Variants in PRDM5 observed in about 807,000 individuals in gnomAD.
PRDM5 encodes PR domain zinc finger protein 5.
A neutral mutation model predicts 81.2 loss-of-function variants in PRDM5; 56 were observed. That is an observed-to-expected ratio of 0.69 (90% confidence interval 0.56 to 0.86). The LOEUF (loss-of-function observed/expected upper bound fraction) is 0.86. Ranked by LOEUF, PRDM5 falls within the 40% of genes least tolerant of loss-of-function variation. The pLI is 0.00. For missense variants in PRDM5, 697 were observed against 770.1 expected (o/e 0.91, Z 1.12); for synonymous variants, 267 against 256.4 (o/e 1.04, Z -0.39).
At chr4:120,833,361 C>T (rs1294481145) in intron 3 of PRDM5, among the ~76,000 whole-genome samples, 1 of 152,060 alleles carries the variant, frequency 6.6e-6, no homozygotes, top group South Asian at 2.1e-4. Flanking sequence ...GTTATCAGAC[C>T]AACTGCCACC....
intron 14 of PRDM5, among the ~76,000 whole-genome samples, chr4:120,728,288 T>C (rs1739740579): frequency 6.6e-6 from 1 of 152,098 alleles, no homozygotes; most frequent in Admixed American, 6.6e-5. Context: ...TAATAATCCA[T>C]CTGTCTGATA....
At chr4:120,907,934 C>T (rs71602303) in intron 1 of PRDM5, among the ~76,000 whole-genome samples, 241 of 152,326 alleles carry the variant, frequency 1.6e-3, no homozygotes, top group Non-Finnish European at 2.9e-3. Flanking sequence ...AGAAAATCAC[C>T]TGGTTTCCAT....
chr4:120,846,170 A>C (rs1383853050), intron 3 of PRDM5, among the ~76,000 whole-genome samples: 4 of 152,228 alleles, frequency 2.6e-5, no homozygotes, highest in Admixed American at 6.5e-5. Context: ...GACAGCAAAG[A>C]ATTTCAAATA....
At chr4:120,893,266 C>G (rs1764257240) in intron 2 of PRDM5, among the ~76,000 whole-genome samples, 1 of 152,190 alleles carries the variant, frequency 6.6e-6, no homozygotes, top group Non-Finnish European at 1.5e-5. Context: ...CCGAGAGGTT[C>G]TCCTGCACTG....
chr4:120,743,282 C>T (rs1420299686), intron 14 of PRDM5, among the ~76,000 whole-genome samples: 2 of 151,372 alleles, frequency 1.3e-5, no homozygotes, highest in African/African-American at 4.9e-5. Flanking sequence ...GAAGGAAGCA[C>T]TAAACAAGGA....
intron 2 of PRDM5, among the ~76,000 whole-genome samples, chr4:120,877,943 TA>T (rs141881617): frequency 0.1 from 15,793 of 152,180 alleles, 1,568 homozygotes; most frequent in African/African-American, 0.26. Flanking sequence ...AATAAAATAA[TA>T]AACAACTAGT....
chr4:120,781,504 T>C (rs915576421), intron 11 of PRDM5, among the ~76,000 whole-genome samples: 9 of 152,198 alleles, frequency 5.9e-5, no homozygotes, highest in African/African-American at 1.9e-4. Context: ...TCATCTTACA[T>C]CTTCAGTCTT....
intron 14 of PRDM5, among the ~76,000 whole-genome samples, chr4:120,727,761 C>A (rs969043872): frequency 1.3e-5 from 2 of 151,808 alleles, no homozygotes; most frequent in African/African-American, 2.4e-5. Flanking sequence ...CACGGTGAAA[C>A]CCCGACTGTA....
At chr4:120,749,130 G>A (rs1232549689) in intron 14 of PRDM5, among the ~76,000 whole-genome samples, 1 of 151,846 alleles carries the variant, frequency 6.6e-6, no homozygotes, top group East Asian at 1.9e-4. Flanking sequence ...AAAATTTACA[G>A]TCATTCTTTT....
intron 14 of PRDM5, among the ~76,000 whole-genome samples, chr4:120,736,199 TTGTG>T (rs57073985): frequency 0.11 from 16,596 of 145,030 alleles, 970 homozygotes; most frequent in East Asian, 0.16. Flanking sequence ...TACTATCCTT[TTGTG>T]TGTGTGTGTG....
chr4:120,916,788 A>C (rs1234532730), intron 1 of PRDM5, among the ~76,000 whole-genome samples: 1 of 152,210 alleles, frequency 6.6e-6, no homozygotes, highest in Non-Finnish European at 1.5e-5. Context: ...AATCCGTGGA[A>C]TCATCCTGAA....
At chr4:120,787,666 A>G (rs976223878) in intron 10 of PRDM5, among the ~76,000 whole-genome samples, 2 of 152,198 alleles carry the variant, frequency 1.3e-5, no homozygotes, top group South Asian at 2.1e-4. Context: ...ACACAAAAAG[A>G]AGGAGGCAAG....
chr4:120,857,568 T>TCATTGCTAC (rs1330967548), intron 2 of PRDM5, among the ~76,000 whole-genome samples: 1 of 152,164 alleles, frequency 6.6e-6, no homozygotes, highest in African/African-American at 2.4e-5. Flanking sequence ...AATGTGCTGG[T>TCATTGCTAC]CATTGCTACC....
At chr4:120,836,186 T>C (rs1342281339) in intron 3 of PRDM5, among the ~76,000 whole-genome samples, 1 of 152,122 alleles carries the variant, frequency 6.6e-6, no homozygotes, top group Non-Finnish European at 1.5e-5. Context: ...GATTTGTTCT[T>C]AAGAAAGAGA....
chr4:120,883,280 G>C lies in PRDM5; in HGVS notation c.177+24194C>G, dbSNP rs146942357. Among the ~76,000 whole-genome samples, 754 of 152,194 alleles carry C rather than the reference G, an allele frequency of 5.0e-3. 6 individuals carry two copies. Among genetic ancestry groups the C allele is most frequent in the African/African-American group, 0.017 (725 of 41,512 alleles). Reference sequence around the variant, plus strand: ...CATCTCCACATTGCACTTTCTTAAAGTTGATTTTCGTTTATTTTGCTAAAT... The same window carrying C: ...CATCTCCACATTGCACTTTCTTAAACTTGATTTTCGTTTATTTTGCTAAAT... On this transcript the variant is annotated intron_variant, in intron 2 of 15. Coordinates refer to ENST00000264808, the MANE Select transcript of PRDM5 (RefSeq NM_018699.4).
chr4:120,739,932 G>C (rs942603293), intron 14 of PRDM5, among the ~76,000 whole-genome samples: 8 of 152,026 alleles, frequency 5.3e-5, no homozygotes, highest in African/African-American at 1.7e-4. Context: ...TTTCACAAAG[G>C]AGAAATGAAG....
chr4:120,904,235 T>C (rs181794140), intron 2 of PRDM5, among the ~76,000 whole-genome samples: 49 of 136,506 alleles, frequency 3.6e-4, no homozygotes, highest in African/African-American at 1.3e-3. Flanking sequence ...TATAAATTAC[T>C]CAGTCTCAGG....
intron 2 of PRDM5, among the ~76,000 whole-genome samples, chr4:120,904,198 A>AAAAAAAACAAAAAAAC (rs1436246039): frequency 6.9e-6 from 1 of 145,348 alleles, no homozygotes; most frequent in African/African-American, 2.6e-5. Context: ...TCAAAAAAAA[A>AAAAAAAACAAAAAAAC]AAAAAAACAA....
chr4:120,721,216 C>G (rs1738552074), intron 14 of PRDM5, among the ~76,000 whole-genome samples: 1 of 152,168 alleles, frequency 6.6e-6, no homozygotes, highest in Non-Finnish European at 1.5e-5. Context: ...AATCGTGAGA[C>G]AAAACTGATG....
Sources: allele counts gnomAD v4.1 joint callset (sites outside exome capture counted in the v4.1 genomes callset), GRCh38; gene constraint gnomAD v4.1.1; transcripts MANE v1.5; gene names NCBI Gene and HGNC (gene_info 2026-07-23, HGNC 2026-07-21).